Variants in ATXN10 observed in about 807,000 individuals in gnomAD.
The protein encoded by ATXN10 is ataxin-10.
Under a neutral mutation model 52.9 loss-of-function variants are expected in ATXN10, and 28 were observed. The ratio of observed to expected loss-of-function variants is 0.53; its 90% CI spans 0.39 to 0.73. The LOEUF (loss-of-function observed/expected upper bound fraction) is 0.73. Ranked by LOEUF, ATXN10 falls within the 30% of genes least tolerant of loss-of-function variation. The pLI, the probability that ATXN10 is intolerant of heterozygous loss-of-function variation, is 0.00. For synonymous variants in ATXN10, 226 were observed against 221.5 expected (o/e 1.02, Z -0.18); for missense variants, 565 against 577.0 (o/e 0.98, Z 0.21).
Position 45,718,503 on chromosome 22 carries a change from C to A in ATXN10, c.728+10C>A. ...TGAACAATCAAGAAAGGTAACCCCC[C>A]AACCAGCGTGGTCTGGAGTATTTAG... is the stretch of plus-strand genomic sequence containing the variant. On this transcript the variant is annotated intron_variant, in intron 6 of 11. Coordinates refer to ENST00000252934, the MANE Select transcript of ATXN10 (RefSeq NM_013236.4). The surrounding 1 kb of genome is among the most constrained non-coding windows in gnomAD (Gnocchi z 4.4). 3 of 1,610,870 alleles carry A rather than the reference C, an allele frequency of 1.9e-6. No individual in the cohort carries two copies. Among genetic ancestry groups the A allele is most frequent in the Non-Finnish European group, 1.7e-6 (2 of 1,177,132 alleles).
intron 9 of ATXN10, among the ~76,000 whole-genome samples, chr22:45,767,243 A>G (rs957227008): frequency 1.9e-4 from 29 of 152,202 alleles, no homozygotes; most frequent in Non-Finnish European, 3.7e-4. Context: ...ATGAAATACA[A>G]TGCATTGTAA....
Position 45,793,828 on chromosome 22 carries a change from G to A in ATXN10, c.1174-13131G>A, listed in dbSNP as rs185996411. ...CCTGGGAAGGTTCTTGGCTTTGCCC[G>A]GGAAATAATTCAAGGGTGAGCTGGT... On this transcript the variant is annotated intron_variant, in intron 9 of 11. Coordinates refer to ENST00000252934, the MANE Select transcript of ATXN10 (RefSeq NM_013236.4). 1.4e-4 allele frequency: 178 copies of A among 1,302,930 alleles called. 1 individual carries two copies. The East Asian group carries it at 3.9e-3, about 29-fold the overall frequency. 80.7% of individuals were successfully genotyped at this position (1,302,930 alleles called of 1,614,324 possible).
At chr22:45,707,640 A>G (rs9614508) in intron 5 of ATXN10, among the ~76,000 whole-genome samples, 5,519 of 148,848 alleles carry the variant, frequency 0.037, 121 homozygotes, top group Non-Finnish European at 0.04. Context: ...TGTTTAATAT[A>G]ATATAATATG....
At chr22:45,806,703 C>T (rs540961713) in intron 9 of ATXN10, among the ~76,000 whole-genome samples, 23 of 152,150 alleles carry the variant, frequency 1.5e-4, no homozygotes, top group African/African-American at 5.5e-4. Flanking sequence ...AGGAAGTGAT[C>T]TACTTAGATT....
At position 45,732,730 on chromosome 22, in the gene ATXN10, A is replaced by G. The variant is rs1925137431; in HGVS notation, c.894+3140A>G. Among the ~76,000 whole-genome samples the G allele has an allele frequency of 6.6e-6, 1 of 152,136 alleles. No homozygotes were observed. The highest frequency in any genetic ancestry group is 2.1e-4 in the South Asian group (1 of 4,824). On this transcript the variant is annotated intron_variant, in intron 7 of 11. Transcript: ENST00000252934. The surrounding 1 kb of genome is among the most constrained non-coding windows in gnomAD (Gnocchi z 4.5). ...ATTGTTAAATTGTTGGTACCTTGAA[A>G]TCATCCATGGTGGAAGTAGTTGTGC...
chr22:45,717,573 A>G (rs987936013), intron 5 of ATXN10, among the ~76,000 whole-genome samples: 1 of 152,208 alleles, frequency 6.6e-6, no homozygotes, highest in Admixed American at 6.5e-5. Context: ...TAGAGGAAAT[A>G]GAATATGTAT....
chr22:45,748,334 T>C (rs1925817450), intron 9 of ATXN10, among the ~76,000 whole-genome samples: 1 of 152,244 alleles, frequency 6.6e-6, no homozygotes, highest in South Asian at 2.1e-4. Context: ...TAGAAATTTG[T>C]AGACAACATT....
At chr22:45,802,889 A>G (rs921732658) in intron 9 of ATXN10, among the ~76,000 whole-genome samples, 1 of 152,196 alleles carries the variant, frequency 6.6e-6, no homozygotes, top group African/African-American at 2.4e-5. Context: ...ATTTCTCACT[A>G]ATCAAAAAAA....
Position 45,728,594 on chromosome 22 carries a change from A to G in ATXN10, c.729-831A>G, listed in dbSNP as rs918479386. ...CCTTATTTGCTAATAAGCAGTTTAGATGTTCGTACCCTGTCTTCTATAGAA... is the reference window on the plus strand; with the variant it reads ...CCTTATTTGCTAATAAGCAGTTTAGGTGTTCGTACCCTGTCTTCTATAGAA... On this transcript the variant is annotated intron_variant, in intron 6 of 11. Transcript: ENST00000252934. This position sits in a 1 kb window ranked among gnomAD's most constrained non-coding sequence, Gnocchi z 4.3. Among the ~76,000 whole-genome samples, 24 of 152,294 alleles carry G rather than the reference A, an allele frequency of 1.6e-4. No homozygotes were observed. The highest frequency in any genetic ancestry group is 2.6e-4 in the Admixed American group (4 of 15,298).
chr22:45,815,465 G>C (rs1420306887), intron 10 of ATXN10, among the ~76,000 whole-genome samples: 1 of 152,198 alleles, frequency 6.6e-6, no homozygotes, highest in African/African-American at 2.4e-5. Flanking sequence ...TGCTGCACTC[G>C]TATTAAAATT....
intron 10 of ATXN10, among the ~76,000 whole-genome samples, chr22:45,834,957 G>T (rs1300811677): frequency 6.6e-6 from 1 of 152,186 alleles, no homozygotes; most frequent in Non-Finnish European, 1.5e-5. Context: ...AGTGGTATTG[G>T]TTGTTTCTGA....
Position 45,781,227 on chromosome 22 carries a change from C to T in ATXN10, c.1174-25732C>T, listed in dbSNP as rs9626443. Among the ~76,000 whole-genome samples, 5,526 of 152,244 alleles carry T rather than the reference C, an allele frequency of 0.036. 359 individuals carry two copies. Among genetic ancestry groups the T allele is most frequent in the African/African-American group, 0.13 (5,250 of 41,522 alleles). On this transcript the variant is annotated intron_variant, in intron 9 of 11. Coordinates refer to ENST00000252934, the MANE Select transcript of ATXN10 (RefSeq NM_013236.4). This position sits in a 1 kb window ranked among gnomAD's most constrained non-coding sequence, Gnocchi z 4.2. ...TGGTTATAATGAGGCACCCCTCACCCCTGCTAGGTGGTGTCAGAGAAGATG... is the reference window on the plus strand; with the variant it reads ...TGGTTATAATGAGGCACCCCTCACCTCTGCTAGGTGGTGTCAGAGAAGATG...
At chr22:45,803,609 A>G (rs1383430655) in intron 9 of ATXN10, among the ~76,000 whole-genome samples, 1 of 152,138 alleles carries the variant, frequency 6.6e-6, no homozygotes, top group Admixed American at 6.5e-5. Context: ...AGTGACACTT[A>G]TAGGGCCCTT....
intron 3 of ATXN10, among the ~76,000 whole-genome samples, chr22:45,693,525 G>A (rs998387826): frequency 1.3e-5 from 2 of 152,106 alleles, no homozygotes; most frequent in African/African-American, 2.4e-5. Flanking sequence ...TTTTATAAGG[G>A]CACTAATCCC....
At chr22:45,822,750 G>A (rs1928693221) in intron 10 of ATXN10, among the ~76,000 whole-genome samples, 1 of 152,010 alleles carries the variant, frequency 6.6e-6, no homozygotes, top group African/African-American at 2.4e-5. Context: ...TTGAACTCCT[G>A]ACCTCAGGTG....
intron 5 of ATXN10, among the ~76,000 whole-genome samples, chr22:45,703,675 G>A (rs979297919): frequency 6.6e-6 from 1 of 152,174 alleles, no homozygotes; most frequent in Non-Finnish European, 1.5e-5. Context: ...AGAAGCCAAA[G>A]GGGCCAGCTC....
chr22:45,740,491 C>T lies in ATXN10; in HGVS notation c.1126C>T (p.Arg376Cys), dbSNP rs267606276. The change falls in exon 9 of 12, where the codon CGT becomes TGT. Residue 376 changes from arginine (R) to cysteine (C), a missense_variant. Transcript: ENST00000252934. Reference protein sequence around the residue: ...VANGFKSHLIRLIGNLCYKNK... With the variant: ...VANGFKSHLICLIGNLCYKNK... ...CAATGGGTTTAAGTCTCATCTCATT[C>T]GTCTGATTGGAAATCTGTGTTACAA... 1.1e-5 allele frequency: 18 copies of T among 1,613,684 alleles called. No individual in the cohort carries two copies. Among genetic ancestry groups the T allele is most frequent in the East Asian group, 2.2e-5 (1 of 44,838 alleles).
intron 10 of ATXN10, among the ~76,000 whole-genome samples, chr22:45,812,354 A>G (rs966862632): frequency 2.0e-5 from 3 of 152,214 alleles, no homozygotes; most frequent in African/African-American, 7.2e-5. Flanking sequence ...TGTAGTAGAT[A>G]ACCAAAAAAT....
At chr22:45,788,520 C>G (rs1442949222) in intron 9 of ATXN10, among the ~76,000 whole-genome samples, 1 of 151,836 alleles carries the variant, frequency 6.6e-6, no homozygotes, top group African/African-American at 2.4e-5. Flanking sequence ...ACCTTTCATT[C>G]AGCGTCTGCA....
Sources: gnomAD v4.1 joint callset for allele counts (sites outside exome capture counted in the v4.1 genomes callset) on GRCh38, gnomAD v4.1.1 for gene constraint, Gnocchi (gnomAD v3.1) non-coding constraint, MANE v1.5 for transcripts, NCBI Gene and HGNC (gene_info 2026-07-23, HGNC 2026-07-21) for gene names.